ABHD17C: variants seen among roughly 807,000 people sequenced by gnomAD.
The protein encoded by ABHD17C is alpha/beta hydrolase domain-containing protein 17C.
A neutral mutation model predicts 27.9 loss-of-function variants in ABHD17C; 11 were observed. The ratio of observed to expected loss-of-function variants is 0.39; its 90% CI spans 0.25 to 0.65. ABHD17C has a LOEUF of 0.65. Ranked by LOEUF, ABHD17C falls within the 30% of genes least tolerant of loss-of-function variation. The pLI is 0.45. For synonymous variants in ABHD17C, 233 were observed against 209.1 expected (o/e 1.11, Z -0.98); for missense variants, 280 against 470.2 (o/e 0.60, Z 3.74).
chr15:80,737,785 CA>C (rs1331391788), intron 1 of ABHD17C, among the ~76,000 whole-genome samples: 2 of 152,016 alleles, frequency 1.3e-5, no homozygotes, highest in Non-Finnish European at 2.9e-5. Context: ...ACATTCCAGG[CA>C]GGGGGTGTTT....
intron 1 of ABHD17C, among the ~76,000 whole-genome samples, chr15:80,713,543 C>T (rs925124594): frequency 6.6e-6 from 1 of 151,750 alleles, no homozygotes; most frequent in Non-Finnish European, 1.5e-5. Context: ...GGTGCAGTGG[C>T]TCACGCCTGT....
chr15:80,735,938 C>A (rs539333134), intron 1 of ABHD17C, among the ~76,000 whole-genome samples: 17 of 152,286 alleles, frequency 1.1e-4, no homozygotes, highest in African/African-American at 3.6e-4. Flanking sequence ...GGGACTGAGC[C>A]TACTTTTAAT....
Position 80,754,425 on chromosome 15 carries a change from G to A in ABHD17C, c.*55G>A. On this transcript the variant is annotated 3_prime_UTR_variant, in exon 3 of 3. Transcript: ENST00000258884. Reference sequence around the variant, plus strand: ...TGTGAACAGAAGAGTCCTCTGTTTTGCACATGCTTTAACTGGGTAGCTGTA... The same window carrying A: ...TGTGAACAGAAGAGTCCTCTGTTTTACACATGCTTTAACTGGGTAGCTGTA... 6.8e-7 allele frequency: 1 copy of A among 1,460,258 alleles called. No homozygotes were observed. The highest frequency in any genetic ancestry group is 9.4e-7 in the Non-Finnish European group (1 of 1,067,358). The allele number at this position is 1,460,258 out of a possible 1,614,324, so 90.5% of individuals were successfully genotyped here.
At chr15:80,706,105 TTAA>T (rs1894644951) in intron 1 of ABHD17C, among the ~76,000 whole-genome samples, 1 of 152,220 alleles carries the variant, frequency 6.6e-6, no homozygotes, top group Non-Finnish European at 1.5e-5. Context: ...CTTAATAGAG[TTAA>T]CCTTCCCTTT....
intron 1 of ABHD17C, among the ~76,000 whole-genome samples, chr15:80,748,308 C>G (rs544765663): frequency 6.6e-6 from 1 of 152,122 alleles, no homozygotes; most frequent in Non-Finnish European, 1.5e-5. Flanking sequence ...GTATTTATTC[C>G]GAAAAGGAGA....
At chr15:80,721,436 T>A (rs1894896448) in intron 1 of ABHD17C, among the ~76,000 whole-genome samples, 1 of 152,182 alleles carries the variant, frequency 6.6e-6, no homozygotes, top group Non-Finnish European at 1.5e-5. Context: ...GGTCACTGGC[T>A]CAGATTTGGG....
At chr15:80,726,501 GTTTTTTTTTTTTTTT>G (rs10572505) in intron 1 of ABHD17C, among the ~76,000 whole-genome samples, 19 of 94,510 alleles carry the variant, frequency 2.0e-4, no homozygotes, top group Non-Finnish European at 7.3e-5. Flanking sequence ...TCTTTTTCTG[GTTTTTTTTTTTTTTT>G]TTTTTTTTTT....
intron 1 of ABHD17C, among the ~76,000 whole-genome samples, chr15:80,717,538 T>C (rs1894823572): frequency 6.6e-6 from 1 of 151,992 alleles, no homozygotes; most frequent in Non-Finnish European, 1.5e-5. Context: ...GGATTACAGA[T>C]GTGCACCACC....
chr15:80,745,654 A>T (rs1306258540), intron 1 of ABHD17C, among the ~76,000 whole-genome samples: 1 of 152,222 alleles, frequency 6.6e-6, no homozygotes, highest in Non-Finnish European at 1.5e-5. Flanking sequence ...GGCGTGAGCC[A>T]TCGCGCCCAG....
rs146749334 is a variant in ABHD17C, at chr15:80,735,562, C to T, written c.591-13951C>T. Reference sequence around the variant, plus strand: ...ACACTCTGTTTCCTCCTTGTTTTTACGCCCCTGCCGCTGCCTACCATCAAA... The same window carrying T: ...ACACTCTGTTTCCTCCTTGTTTTTATGCCCCTGCCGCTGCCTACCATCAAA... On this transcript the variant is annotated intron_variant, in intron 1 of 2. Transcript: ENST00000258884. Among the ~76,000 whole-genome samples the T allele has an allele frequency of 4.0e-4, 61 of 152,264 alleles. 1 individual carries two copies. The East Asian group carries it at 7.3e-3, about 18-fold the overall frequency.
chr15:80,703,798 G>A (rs568626112), intron 1 of ABHD17C, among the ~76,000 whole-genome samples: 2 of 152,252 alleles, frequency 1.3e-5, no homozygotes, highest in East Asian at 3.9e-4. Flanking sequence ...TTTATATACA[G>A]CTATCCCCCC....
chr15:80,726,325 T>C (rs1894974354), intron 1 of ABHD17C, among the ~76,000 whole-genome samples: 1 of 152,128 alleles, frequency 6.6e-6, no homozygotes, highest in Non-Finnish European at 1.5e-5. Context: ...AGATTTTGTT[T>C]ACGGCCAGTT....
chr15:80,723,663 G>A (rs1894929894), intron 1 of ABHD17C, among the ~76,000 whole-genome samples: 1 of 152,182 alleles, frequency 6.6e-6, no homozygotes, highest in Non-Finnish European at 1.5e-5. Flanking sequence ...GCGGATGTTT[G>A]CGTTGTTATA....
At chr15:80,748,529 C>T (rs1199234051) in intron 1 of ABHD17C, among the ~76,000 whole-genome samples, 1 of 152,102 alleles carries the variant, frequency 6.6e-6, no homozygotes, top group Non-Finnish European at 1.5e-5. Context: ...GAAATTATCA[C>T]ATCTTTCTAT....
intron 1 of ABHD17C, among the ~76,000 whole-genome samples, chr15:80,713,871 C>A (rs1413923352): frequency 6.7e-6 from 1 of 150,314 alleles, no homozygotes; most frequent in East Asian, 2.0e-4. Context: ...CTTATAATAT[C>A]TTTGGGTCTC....
intron 1 of ABHD17C, 102 bp from the exon 2 acceptor site, chr15:80,749,411 G>A (rs1895337595): frequency 4.1e-6 from 5 of 1,206,204 alleles, no homozygotes; most frequent in Non-Finnish European, 5.8e-6. Flanking sequence ...GTTTTAAGCT[G>A]GTGGATGTGG....
intron 1 of ABHD17C, among the ~76,000 whole-genome samples, chr15:80,731,289 GTC>G (rs1895053753): frequency 6.6e-6 from 1 of 152,208 alleles, no homozygotes; most frequent in Non-Finnish European, 1.5e-5. Context: ...AAATACTTCT[GTC>G]TGTGTTTCCG....
In ABHD17C at chr15:80,695,662, A is replaced by AGGGCGC. The variant is rs771824937; in HGVS notation, c.243_248dup (p.Ala82_Gly83dup). ...CAGCCGGCACCGCAGCAGCCCGAGGAGGGCGCGGGCGCGGGGCCCGGTGCG... is the reference window on the plus strand; with the variant it reads ...CAGCCGGCACCGCAGCAGCCCGAGGAGGGCGCGGGCGCGGGCGCGGGGCCCGGTGCG... On this transcript the variant is annotated inframe_insertion, in exon 1 of 3. Transcript: ENST00000258884. This position sits in a 1 kb window ranked among gnomAD's most constrained non-coding sequence, Gnocchi z 4.3. 433 of 1,422,138 alleles carry AGGGCGC rather than the reference A, an allele frequency of 3.0e-4. 2 individuals are homozygous for AGGGCGC. The African/African-American group carries it at 3.4e-3, about 11-fold the overall frequency. The allele number at this position is 1,422,138 out of a possible 1,614,324, so 88.1% of individuals were successfully genotyped here.
intron 1 of ABHD17C, among the ~76,000 whole-genome samples, chr15:80,747,085 C>T (rs1895297995): frequency 6.6e-6 from 1 of 152,122 alleles, no homozygotes; most frequent in Non-Finnish European, 1.5e-5. Flanking sequence ...TTCTCTCCTC[C>T]TCTTATATTT....
Sources: gnomAD v4.1 joint callset for allele counts (sites outside exome capture counted in the v4.1 genomes callset) on GRCh38, gnomAD v4.1.1 for gene constraint, Gnocchi (gnomAD v3.1) non-coding constraint, MANE v1.5 for transcripts, NCBI Gene and HGNC (gene_info 2026-07-23, HGNC 2026-07-21) for gene names.